Variants in CHEK1 observed in about 807,000 individuals in gnomAD.
CHEK1 encodes the protein serine/threonine-protein kinase Chk1.
In CHEK1, 32 loss-of-function variants were observed where a neutral mutation model predicts 60.2. The ratio of observed to expected loss-of-function variants is 0.53; its 90% CI spans 0.40 to 0.71. The LOEUF (loss-of-function observed/expected upper bound fraction) is 0.71, where lower values mean the gene tolerates loss of function less well. Among genes scored for constraint, CHEK1 ranks in the 30% least tolerant of loss-of-function variants. The pLI is 0.00. For synonymous variants in CHEK1, 179 were observed against 187.2 expected (o/e 0.96, Z 0.36); for missense variants, 399 against 564.6 (o/e 0.71, Z 2.97).
intron 8 of CHEK1, 36 bp from the exon 9 acceptor site, chr11:125,643,756 A>T (rs767868640): frequency 6.5e-7 from 1 of 1,530,656 alleles, no homozygotes; most frequent in Non-Finnish European, 9.0e-7. Flanking sequence ...CTTGCATAGA[A>T]GACTTGAAAG....
chr11:125,639,378 T>TTC (rs936879383), intron 8 of CHEK1, among the ~76,000 whole-genome samples: 1 of 122,560 alleles, frequency 8.2e-6, no homozygotes, highest in Non-Finnish European at 1.7e-5. Context: ...TATAATACTT[T>TTC]TCTCTTTTTT....
intron 5 of CHEK1, 38 bp from the exon 6 acceptor site, chr11:125,633,125 A>ATTTT: frequency 6.5e-7 from 1 of 1,530,468 alleles, no homozygotes; most frequent in East Asian, 2.4e-5. Context: ...TTTGCAAAAC[A>ATTTT]TTTTTATTCA....
chr11:125,670,594 C>T (rs1591431946), intron 13 of CHEK1, among the ~76,000 whole-genome samples: 2 of 152,068 alleles, frequency 1.3e-5, no homozygotes, highest in Non-Finnish European at 2.9e-5. Flanking sequence ...AGTGACCAGA[C>T]AATAATTTGG....
At position 125,653,629 on chromosome 11, in the gene CHEK1, C is replaced by G. The variant is rs1265886255; in HGVS notation, c.1234-117C>G. ...TGGATCAGTAGTGGGATTGCTGGAA[C>G]ATATAGGTAGTTTTATTTGTAGTTT... On this transcript the variant is annotated intron_variant, in intron 11 of 12. Coordinates refer to ENST00000438015, the MANE Select transcript of CHEK1 (RefSeq NM_001114122.3). This position sits in a 1 kb window ranked among gnomAD's most constrained non-coding sequence, Gnocchi z 4.3. The G allele has an allele frequency of 3.1e-6, 2 of 639,900 alleles. No homozygotes were observed. The highest frequency in any genetic ancestry group is 5.5e-6 in the Non-Finnish European group (2 of 364,794). The allele number at this position is 639,900 out of a possible 1,614,324, so 39.6% of individuals were successfully genotyped here.
chr11:125,672,683 C>G (rs1333597593), intron 13 of CHEK1: 1 of 1,614,180 alleles, frequency 6.2e-7, no homozygotes, highest in Non-Finnish European at 8.5e-7. Flanking sequence ...GGCACATGTT[C>G]TCACACCCTT....
In CHEK1 at chr11:125,627,700, G is replaced by A. The variant is rs372546907; in HGVS notation, c.159G>A (p.Lys53=). 50 of 1,613,730 alleles carry A rather than the reference G, an allele frequency of 3.1e-5. No individual in the cohort carries two copies. The highest frequency in any genetic ancestry group is 4.1e-5 in the Non-Finnish European group (48 of 1,179,868). Residue 53 remains lysine, a synonymous_variant, in exon 3 of 13, where the codon AAG becomes AAA. Coordinates refer to ENST00000438015, the MANE Select transcript of CHEK1 (RefSeq NM_001114122.3). ...CCGTAGACTGTCCAGAAAATATTAA[G>A]AAAGAGATCTGTATCAATAAAATGC... ...KRAVDCPENI[K]KEICINKMLN... is the part of the protein sequence containing the mutation.
At chr11:125,633,084 C>T in intron 5 of CHEK1, 79 bp from the exon 6 acceptor site, 3 of 1,294,806 alleles carry the variant, frequency 2.3e-6, no homozygotes, top group Non-Finnish European at 2.1e-6. Context: ...GATTTTTTTT[C>T]AGTAAAACTT....
At chr11:125,650,482 G>A (rs1460233005) in intron 11 of CHEK1, among the ~76,000 whole-genome samples, 1 of 139,472 alleles carries the variant, frequency 7.2e-6, no homozygotes, top group Non-Finnish European at 1.5e-5. Flanking sequence ...TTGAGACGGA[G>A]CTTTGCTCTT....
chr11:125,632,628 A>AT lies in CHEK1; in HGVS notation c.425-525dup, dbSNP rs375595038. On this transcript the variant is annotated intron_variant, in intron 5 of 12. Coordinates refer to ENST00000438015, the MANE Select transcript of CHEK1 (RefSeq NM_001114122.3). Reference sequence around the variant, plus strand: ...TAGGGTGGAAGTTGGGTCTTCTGATATTTTTTTTTTGTACAGAGTTTGTCC... The same window carrying AT: ...TAGGGTGGAAGTTGGGTCTTCTGATATTTTTTTTTTTGTACAGAGTTTGTCC... Among the ~76,000 whole-genome samples the AT allele has an allele frequency of 4.7e-5, 7 of 149,368 alleles. No homozygotes were observed. The East Asian group carries it at 5.9e-4, about 13-fold the overall frequency.
At chr11:125,673,410 T>C (rs954035275) in intron 13 of CHEK1, among the ~76,000 whole-genome samples, 2 of 151,522 alleles carry the variant, frequency 1.3e-5, no homozygotes, top group African/African-American at 4.8e-5. Flanking sequence ...ACCATGTTGG[T>C]CAGGCTGGTC....
intron 8 of CHEK1, among the ~76,000 whole-genome samples, chr11:125,638,280 G>T (rs1326299839): frequency 6.6e-6 from 1 of 151,994 alleles, no homozygotes; most frequent in African/African-American, 2.4e-5. Context: ...AAAGATTCAG[G>T]GTGCTGTAGG....
chr11:125,669,079 T>TC (rs375807757), intron 13 of CHEK1, among the ~76,000 whole-genome samples: 2 of 152,294 alleles, frequency 1.3e-5, no homozygotes, highest in African/African-American at 4.8e-5. Flanking sequence ...AGGCATGGCT[T>TC]TTAAAATTCA....
intron 8 of CHEK1, among the ~76,000 whole-genome samples, chr11:125,638,519 T>C (rs112688060): frequency 0.014 from 2,099 of 152,324 alleles, 23 homozygotes; most frequent in Non-Finnish European, 0.022. Flanking sequence ...AGTTAATGTT[T>C]AAACATTCAC....
intron 13 of CHEK1, among the ~76,000 whole-genome samples, chr11:125,665,153 G>A (rs370049885): frequency 1.4e-4 from 21 of 150,412 alleles, no homozygotes; most frequent in East Asian, 5.8e-4. Flanking sequence ...CTGTATTCCA[G>A]TATCGGTCTG....
chr11:125,649,626 C>T lies in CHEK1; in HGVS notation c.1234-4120C>T, dbSNP rs1323976374. 3 of 151,760 alleles carry T rather than the reference C, an allele frequency of 2.0e-5. No homozygotes were observed. The East Asian group carries it at 5.8e-4, about 29-fold the overall frequency. The allele number at this position is 151,760 out of a possible 1,614,324, so 9.4% of individuals were successfully genotyped here. A position where few individuals can be genotyped will look rare whatever the true frequency, so the allele number is the denominator to read the frequency against. ...CCTGTAATGCCAGCTATTGGGGAGGCTTTAGGTGGGAGGATAGTCTGAGCC... is the reference window on the plus strand; with the variant it reads ...CCTGTAATGCCAGCTATTGGGGAGGTTTTAGGTGGGAGGATAGTCTGAGCC... On this transcript the variant is annotated intron_variant, in intron 11 of 12. Transcript: ENST00000438015.
At chr11:125,628,729 A>G (rs1380885295) in intron 3 of CHEK1, among the ~76,000 whole-genome samples, 1 of 152,160 alleles carries the variant, frequency 6.6e-6, no homozygotes, top group Non-Finnish European at 1.5e-5. Flanking sequence ...ACAGTAAGTT[A>G]TGATCTCACG....
At chr11:125,677,973 C>T (rs1200643055), downstream of CHEK1, 3 of 1,612,440 alleles carry the variant, frequency 1.9e-6, no homozygotes, top group Non-Finnish European at 2.5e-6. Flanking sequence ...AGGCTGTTCT[C>T]CGGAGAGGTG....
intron 6 of CHEK1, 126 bp from the exon 7 acceptor site, chr11:125,635,303 A>C: frequency 1.7e-6 from 1 of 578,612 alleles, no homozygotes; most frequent in South Asian, 2.8e-5. Flanking sequence ...CCAAGTTGGG[A>C]TTCTTAGTGT....
At chr11:125,633,683 C>T (rs1264933644) in intron 6 of CHEK1, among the ~76,000 whole-genome samples, 1 of 152,082 alleles carries the variant, frequency 6.6e-6, no homozygotes, top group Non-Finnish European at 1.5e-5. Flanking sequence ...AACACCTGGT[C>T]TCAAGCAAGC....
Sources: allele counts gnomAD v4.1 joint callset (sites outside exome capture counted in the v4.1 genomes callset), GRCh38; gene constraint gnomAD v4.1.1; non-coding constraint Gnocchi (gnomAD v3.1); transcripts MANE v1.5; gene names NCBI Gene and HGNC (gene_info 2026-07-23, HGNC 2026-07-21).